The following SOX5 variants were observed in gnomAD, a reference collection of about 807,000 sequenced individuals.
The protein encoded by SOX5 is transcription factor SOX-5.
In SOX5, 9 loss-of-function variants were observed where a neutral mutation model predicts 92.0. That is an observed-to-expected ratio of 0.10 (90% confidence interval 0.06 to 0.17). SOX5 has a LOEUF of 0.17. Ranked by LOEUF, SOX5 falls within the 10% of genes least tolerant of loss-of-function variation. The pLI is 1.00. For synonymous variants in SOX5, 344 were observed against 336.3 expected (o/e 1.02, Z -0.25); for missense variants, 642 against 944.5 (o/e 0.68, Z 4.20).
At chr12:23,828,334 GCA>G (rs1456958511) in intron 3 of SOX5, among the ~76,000 whole-genome samples, 3 of 151,880 alleles carry the variant, frequency 2.0e-5, no homozygotes, top group Non-Finnish European at 4.4e-5. Flanking sequence ...GTATGTGTGT[GCA>G]CACACACACA....
intron 1 of SOX5, among the ~76,000 whole-genome samples, chr12:24,512,480 A>C (rs1949413083): frequency 6.6e-6 from 1 of 152,262 alleles, no homozygotes; most frequent in African/African-American, 2.4e-5. Flanking sequence ...TAAGACTCAA[A>C]TATAACACCT....
Position 23,904,490 on chromosome 12 carries a change from T to A in SOX5, c.39-8466A>T, listed in dbSNP as rs374408598. ...ATAAACTTCCTTGTAATCTTCACTA[T>A]GTATTTCACCAGAGTAGAGATCAAC... On this transcript the variant is annotated intron_variant, in intron 1 of 14. Transcript: ENST00000451604. 3.0e-4 allele frequency among the ~76,000 whole-genome samples: 46 copies of A among 152,310 alleles called. No homozygotes were observed. In the South Asian group the frequency reaches 9.3e-3, roughly 31 times the overall value.
At chr12:24,418,123 TG>T (rs1448786410) in intron 1 of SOX5, among the ~76,000 whole-genome samples, 1 of 151,590 alleles carries the variant, frequency 6.6e-6, no homozygotes, top group East Asian at 2.0e-4. Context: ...CCAACTGTCA[TG>T]GTTCATTATT....
chr12:24,224,582 A>G (rs1961432264), intron 3 of SOX5, among the ~76,000 whole-genome samples: 1 of 151,946 alleles, frequency 6.6e-6, no homozygotes, highest in Non-Finnish European at 1.5e-5. Flanking sequence ...TGCAGGCACT[A>G]TGTGTGTCTC....
rs180900508 is a variant in SOX5 at position 24,179,489 on chromosome 12, G to A, written c.-2+33854C>T. Among the ~76,000 whole-genome samples the A allele has an allele frequency of 5.4e-3, 827 of 152,250 alleles. 1 individual carries two copies. The highest frequency in any genetic ancestry group is 6.7e-3 in the Non-Finnish European group (453 of 68,018). On this transcript the variant is annotated intron_variant, in intron 4 of 4. Coordinates refer to the SOX5 transcript ENST00000446891. Reference sequence around the variant, plus strand: ...TGAGCTGTAGCTCCTAGTCAACCACGCAACCATGAGGGTAAACAACTAAGA... The same window carrying A: ...TGAGCTGTAGCTCCTAGTCAACCACACAACCATGAGGGTAAACAACTAAGA...
Position 23,563,257 on chromosome 12 carries a change from C to A in SOX5, c.1488+1G>T. On this transcript the variant is annotated splice_donor_variant, in intron 11 of 14. Coordinates refer to ENST00000451604, the MANE Select transcript of SOX5 (RefSeq NM_006940.6). LOFTEE classifies it high-confidence loss of function. ...GAAAGTAAGTTATTTTATGAACTGA[C>A]CTTTTCTGTTCGGCAGTTATTGAGA... 6.2e-7 allele frequency: 1 copy of A among 1,607,092 alleles called. No homozygotes were observed. The highest frequency in any genetic ancestry group is 8.5e-7 in the Non-Finnish European group (1 of 1,176,878).
rs930994551 is a variant in SOX5 at position 23,576,250 on chromosome 12, C to G, written c.1165-412G>C. 1.8e-4 allele frequency among the ~76,000 whole-genome samples: 28 copies of G among 151,872 alleles called. No individual in the cohort carries two copies. The East Asian group carries it at 4.1e-3, about 22-fold the overall frequency. ...CTGATGCATCTTTGTACCCTGGTAC[C>G]TAGGCAGAGCACCTGGAACACCCAT... On this transcript the variant is annotated intron_variant, in intron 9 of 14. Coordinates refer to ENST00000451604, the MANE Select transcript of SOX5 (RefSeq NM_006940.6).
intron 4 of SOX5, among the ~76,000 whole-genome samples, chr12:24,171,075 T>G (rs1397592670): frequency 6.6e-6 from 1 of 151,300 alleles, no homozygotes; most frequent in Non-Finnish European, 1.5e-5. Flanking sequence ...TGGGGCAAAA[T>G]GGACACTTTG....
At chr12:24,319,594 G>T (rs1426482008) in intron 2 of SOX5, among the ~76,000 whole-genome samples, 2 of 152,158 alleles carry the variant, frequency 1.3e-5, no homozygotes, top group African/African-American at 4.8e-5. Flanking sequence ...AATTTGTGAA[G>T]TAATCTCCGG....
intron 1 of SOX5, among the ~76,000 whole-genome samples, chr12:24,429,224 G>A (rs1167681236): frequency 1.3e-5 from 2 of 152,096 alleles, no homozygotes; most frequent in African/African-American, 4.8e-5. Context: ...GGCTGAGGCA[G>A]GAGAATGGCG....
chr12:24,306,259 C>T (rs1034741485), intron 2 of SOX5, among the ~76,000 whole-genome samples: 62 of 152,170 alleles, frequency 4.1e-4, no homozygotes, highest in African/African-American at 1.5e-3. Context: ...GCACCGCCAG[C>T]TCTGATCTGG....
intron 2 of SOX5, among the ~76,000 whole-genome samples, chr12:23,881,051 T>TA (rs1275813909): frequency 6.6e-6 from 1 of 152,136 alleles, no homozygotes; most frequent in Non-Finnish European, 1.5e-5. Context: ...TTTAAGCCTA[T>TA]AGAGGGGTGG....
intron 1 of SOX5, among the ~76,000 whole-genome samples, chr12:24,391,705 A>G (rs1300117050): frequency 6.6e-6 from 1 of 152,214 alleles, no homozygotes. Flanking sequence ...ATTTTGCATT[A>G]TTAGATCTTT....
chr12:24,370,188 T>G (rs901235592), intron 1 of SOX5, among the ~76,000 whole-genome samples: 2 of 152,226 alleles, frequency 1.3e-5, no homozygotes, highest in Non-Finnish European at 2.9e-5. Flanking sequence ...GATGTACTGG[T>G]TTTTGGCCGT....
At chr12:23,661,279 G>A (rs1380335944) in intron 7 of SOX5, among the ~76,000 whole-genome samples, 2 of 152,104 alleles carry the variant, frequency 1.3e-5, no homozygotes, top group Non-Finnish European at 2.9e-5. Flanking sequence ...AAAGACAGGG[G>A]CAGAGGACTG....
chr12:23,534,307 A>T lies in SOX5; in HGVS notation c.2204T>A (p.Ile735Asn), dbSNP rs1049345040. The change falls in exon 15 of 15, where the codon ATT (isoleucine) becomes AAT (asparagine). Residue 735 changes from isoleucine to asparagine, a missense_variant. Physicochemically the swap from Ile to Asn is moderately radical, Grantham distance 149 (BLOSUM62 -3). This residue lies in a region of SOX5 where 130 missense variants were observed against 140.6 expected (regional missense o/e 0.92). Transcript: ENST00000451604. ...EIQAEDINGE[I>N]YDEYDEEEDD... is the part of the protein sequence containing the mutation. ...CTCTTCCTCGTCGTACTCATCATAAATTTCTCCATTGATGTCCTCGGCCTG... is the reference window on the plus strand; with the variant it reads ...CTCTTCCTCGTCGTACTCATCATAATTTTCTCCATTGATGTCCTCGGCCTG... The T allele has an allele frequency of 6.2e-7, 1 of 1,614,066 alleles. No individual in the cohort carries two copies. Among genetic ancestry groups the T allele is most frequent in the Admixed American group, 1.7e-5 (1 of 60,012 alleles).
At chr12:24,078,351 C>T (rs75825834) in intron 4 of SOX5, among the ~76,000 whole-genome samples, 5,755 of 151,980 alleles carry the variant, frequency 0.038, 136 homozygotes, top group Admixed American at 0.057. Context: ...ACAGAAGATA[C>T]GATGTTTGTT....
intron 1 of SOX5, among the ~76,000 whole-genome samples, chr12:24,536,474 T>A (rs938461658): frequency 6.6e-6 from 1 of 152,160 alleles, no homozygotes; most frequent in African/African-American, 2.4e-5. Flanking sequence ...CATTTTTTTT[T>A]AAAGAGGTCA....
chr12:24,476,635 G>T (rs1347486329), intron 1 of SOX5, among the ~76,000 whole-genome samples: 1 of 151,324 alleles, frequency 6.6e-6, no homozygotes. Context: ...AGGCCCCCAC[G>T]GCACTCTCTG....
Sources: gnomAD v4.1 joint callset for allele counts (sites outside exome capture counted in the v4.1 genomes callset) on GRCh38, gnomAD v4.1.1 for gene constraint, gnomAD v4.1.1 regional missense constraint, MANE v1.5 for transcripts, NCBI Gene and HGNC (gene_info 2026-07-23, HGNC 2026-07-21) for gene names.